The following PEBP4 variants were observed in gnomAD, a reference collection of about 807,000 sequenced individuals.
The protein encoded by PEBP4 is phosphatidylethanolamine-binding protein 4.
Under a neutral mutation model 23.9 loss-of-function variants are expected in PEBP4, and 22 were observed. That is an observed-to-expected ratio of 0.92 (90% confidence interval 0.66 to 1.31). PEBP4 has a LOEUF of 1.31. Among genes scored for constraint, PEBP4 ranks in the 40% most tolerant of loss-of-function variants. The probability of loss-of-function intolerance (pLI) is 0.00; values close to 1 mark genes in which losing one functional copy is unlikely to be tolerated. For missense variants in PEBP4, 324 were observed against 281.7 expected, an observed-to-expected ratio of 1.15 and a Z score of -1.07; for synonymous variants, 112 against 99.3, an observed-to-expected ratio of 1.13 and a Z score of -0.76.
At chr8:22,717,886 C>T (rs1407091376) in intron 6 of PEBP4, among the ~76,000 whole-genome samples, 1 of 152,136 alleles carries the variant, frequency 6.6e-6, no homozygotes, top group Non-Finnish European at 1.5e-5. Context: ...TCTGGCTCGT[C>T]ACGGGACCGG....
At chr8:22,916,497 A>G (rs889618409) in intron 3 of PEBP4, among the ~76,000 whole-genome samples, 4 of 141,248 alleles carry the variant, frequency 2.8e-5, no homozygotes, top group African/African-American at 1.1e-4. Context: ...CCCACCCCCC[A>G]GCTCACACCC....
intron 4 of PEBP4, among the ~76,000 whole-genome samples, chr8:22,794,246 G>A (rs1382837012): frequency 6.6e-6 from 1 of 151,984 alleles, no homozygotes; most frequent in Non-Finnish European, 1.5e-5. Flanking sequence ...GCACTTTATA[G>A]ACTGCCTTAT....
intron 3 of PEBP4, among the ~76,000 whole-genome samples, chr8:22,845,439 G>T (rs1199622253): frequency 6.6e-6 from 1 of 152,082 alleles, no homozygotes; most frequent in Non-Finnish European, 1.5e-5. Flanking sequence ...GGAGGCTGAG[G>T]TTGAGCCTGG....
At chr8:22,793,467 G>C (rs1406790125) in intron 4 of PEBP4, among the ~76,000 whole-genome samples, 3 of 147,910 alleles carry the variant, frequency 2.0e-5, no homozygotes, top group African/African-American at 7.5e-5. Flanking sequence ...TTTTAGTAGA[G>C]GTGGGGTTTC....
chr8:22,824,809 A>G (rs1362000250), intron 3 of PEBP4, among the ~76,000 whole-genome samples: 1 of 152,198 alleles, frequency 6.6e-6, no homozygotes, highest in African/African-American at 2.4e-5. Context: ...CAGGAGGTGG[A>G]GCCCAGGTGG....
At chr8:22,886,501 TAGCA>T (rs1808378915) in intron 3 of PEBP4, 1 of 152,272 alleles carries the variant, frequency 6.6e-6, no homozygotes, top group African/African-American at 2.4e-5. Context: ...TGGAATCATG[TAGCA>T]AGCATTCAGC....
intron 6 of PEBP4, among the ~76,000 whole-genome samples, chr8:22,723,507 G>T (rs1338749387): frequency 6.6e-6 from 1 of 152,104 alleles, no homozygotes; most frequent in Non-Finnish European, 1.5e-5. Context: ...TCATGGTGGG[G>T]CTCAGAGGCA....
chr8:22,744,971 G>A (rs1264410099), intron 4 of PEBP4, among the ~76,000 whole-genome samples: 1 of 152,190 alleles, frequency 6.6e-6, no homozygotes, highest in Non-Finnish European at 1.5e-5. Flanking sequence ...ATCAGCAAAT[G>A]GAATGCGGGT....
intron 4 of PEBP4, among the ~76,000 whole-genome samples, chr8:22,780,155 G>A (rs1286909901): frequency 1.3e-5 from 2 of 152,244 alleles, no homozygotes; most frequent in East Asian, 3.9e-4. Context: ...TGTAGAGATA[G>A]TGTTCACCAT....
At chr8:22,902,405 T>C (rs751147095) in intron 3 of PEBP4, among the ~76,000 whole-genome samples, 7 of 152,216 alleles carry the variant, frequency 4.6e-5, no homozygotes, top group African/African-American at 7.2e-5. Context: ...ATGTCCGTAA[T>C]GGACCACACC....
intron 4 of PEBP4, among the ~76,000 whole-genome samples, chr8:22,755,345 T>C (rs1418078075): frequency 8.0e-6 from 1 of 124,934 alleles, no homozygotes; most frequent in African/African-American, 2.8e-5. Context: ...TTTTTTTTTT[T>C]TTTTTTTTGA....
intron 4 of PEBP4, among the ~76,000 whole-genome samples, chr8:22,770,742 A>G (rs1189572023): frequency 2.6e-5 from 4 of 152,234 alleles, no homozygotes; most frequent in African/African-American, 7.2e-5. Context: ...CCTGCTCCTC[A>G]GGCAGAGAAG....
intron 4 of PEBP4, among the ~76,000 whole-genome samples, chr8:22,795,163 A>ATATTT (rs1563218555): frequency 2.5e-4 from 12 of 47,344 alleles, no homozygotes; most frequent in Admixed American, 3.4e-4. Context: ...ATATATATAT[A>ATATTT]TTTTTTTTTT....
Position 22,728,565 on chromosome 8 carries a change from TTCCTTCCTTCCTTC to T in PEBP4, c.358-1359_358-1346del, listed in dbSNP as rs1563196366. Reference sequence around the variant, plus strand: ...CTTCCTTTCTTTCTTTCTTTCTTCCTTCCTTCCTTCCTTCCTTCCTTCCTTCCTTCCTTCCTTCC... The same window carrying T: ...CTTCCTTTCTTTCTTTCTTTCTTCCTCTTCCTTCCTTCCTTCCTTCCTTCC... On this transcript the variant is annotated intron_variant, in intron 4 of 6. Transcript: ENST00000256404. Among the ~76,000 whole-genome samples, 43 of 79,400 alleles carry T rather than the reference TTCCTTCCTTCCTTC, an allele frequency of 5.4e-4. 1 individual carries two copies. The highest frequency in any genetic ancestry group is 1.3e-3 in the African/African-American group (38 of 28,588). The allele number at this position is 79,400 out of a possible 152,430, so 52.1% of individuals were successfully genotyped here. A position where few individuals can be genotyped will look rare whatever the true frequency, so the allele number is the denominator to read the frequency against.
chr8:22,746,566 T>C (rs1026461971), intron 4 of PEBP4, among the ~76,000 whole-genome samples: 4 of 151,482 alleles, frequency 2.6e-5, no homozygotes, highest in Non-Finnish European at 4.4e-5. Context: ...CCCTGTCCTC[T>C]CTCCTCTCTC....
At chr8:22,805,718 T>C (rs968883089) in intron 4 of PEBP4, among the ~76,000 whole-genome samples, 1 of 152,186 alleles carries the variant, frequency 6.6e-6, no homozygotes, top group African/African-American at 2.4e-5. Context: ...AGGCAGCAGG[T>C]ATATGGAAAT....
At chr8:22,715,868 GGGAGAGCT>G (rs889772874) in intron 6 of PEBP4, among the ~76,000 whole-genome samples, 6 of 152,228 alleles carry the variant, frequency 3.9e-5, no homozygotes, top group Non-Finnish European at 7.3e-5. Context: ...GGGGTGTGTG[GGGAGAGCT>G]GGAGAGCTAG....
At chr8:22,924,640 A>G (rs1466579876) in intron 2 of PEBP4, 3 of 984,412 alleles carry the variant, frequency 3.0e-6, no homozygotes, top group African/African-American at 3.5e-5. Context: ...TTTCAACACC[A>G]AAAAGCAGGA....
intron 4 of PEBP4, among the ~76,000 whole-genome samples, chr8:22,756,677 C>G (rs938269710): frequency 6.6e-6 from 1 of 152,252 alleles, no homozygotes; most frequent in African/African-American, 2.4e-5. Flanking sequence ...CAAAAACCCA[C>G]TTGCCTGGGG....
Sources: allele counts gnomAD v4.1 joint callset (sites outside exome capture counted in the v4.1 genomes callset), GRCh38; gene constraint gnomAD v4.1.1; transcripts MANE v1.5; gene names NCBI Gene and HGNC (gene_info 2026-07-23, HGNC 2026-07-21).